The following SLA variants were observed in gnomAD, a reference collection of about 807,000 sequenced individuals.
The protein encoded by SLA is Src like adaptor.
SLA carries 16 observed loss-of-function variants against 30.3 expected under a neutral mutation model. The ratio of observed to expected loss-of-function variants is 0.53; its 90% CI spans 0.36 to 0.80. The LOEUF is 0.80. Ranked by LOEUF, SLA falls within the 30% of genes least tolerant of loss-of-function variation. The probability of loss-of-function intolerance (pLI) is 0.01; values close to 1 mark genes in which losing one functional copy is unlikely to be tolerated. For synonymous variants in SLA, 143 were observed against 137.8 expected (o/e 1.04, Z -0.26); for missense variants, 310 against 345.2 (o/e 0.90, Z 0.81).
intron 1 of SLA, among the ~76,000 whole-genome samples, chr8:133,098,806 G>A (rs1436546621): frequency 1.3e-5 from 2 of 152,152 alleles, no homozygotes; most frequent in Non-Finnish European, 2.9e-5. Context: ...TGTTCAGAGG[G>A]TAGCCCAGGC....
chr8:133,060,505 TGA>T, intron 2 of SLA: 1 of 734,650 alleles, frequency 1.4e-6, no homozygotes, highest in Non-Finnish European at 2.1e-6. Context: ...AGGGTTTGTG[TGA>T]GAAACCAAGC....
intron 3 of SLA, among the ~76,000 whole-genome samples, chr8:133,055,361 GCGCGCACACACACACACACACACA>G (rs1841219967): frequency 3.8e-5 from 5 of 131,658 alleles, no homozygotes; most frequent in African/African-American, 1.3e-4. Context: ...ACACACGCAC[GCGCGCACACACACACACACACACA>G]CACACACACA....
chr8:133,038,751 G>T lies in SLA; in HGVS notation c.618-14C>A. The T allele has an allele frequency of 6.3e-7, 1 of 1,595,584 alleles. No homozygotes were observed. The highest frequency in any genetic ancestry group is 8.6e-7 in the Non-Finnish European group (1 of 1,163,718). On this transcript the variant is annotated splice_polypyrimidine_tract_variant and intron_variant, in intron 8 of 8. Coordinates refer to ENST00000338087, the MANE Select transcript of SLA (RefSeq NM_001045556.3). The stretch of plus-strand genomic sequence containing the variant: ...TCCTCCTGCAGTCTGTGGGCCAGAA[G>T]AAAAGGCAGTAGAGAAAGGGAAAAA...
chr8:133,049,192 GA>G (rs1290038879), intron 5 of SLA: 3 of 455,956 alleles, frequency 6.6e-6, no homozygotes, highest in Non-Finnish European at 1.3e-5. Flanking sequence ...GACTACAGGG[GA>G]AAGCAGGGTG....
chr8:133,038,431 C>A lies in SLA; in HGVS notation c.*93G>T. On this transcript the variant is annotated 3_prime_UTR_variant, in exon 9 of 9. Transcript: ENST00000338087. ...TTGGCTTCTAAAATACGTGAGGCTC[C>A]CAGGGATCAGGGAACCTCGCTTTTC... is the stretch of plus-strand genomic sequence containing the variant. The A allele has an allele frequency of 1.0e-6, 1 of 968,046 alleles. No homozygotes were observed. Among genetic ancestry groups the A allele is most frequent in the East Asian group, 2.4e-5 (1 of 42,006 alleles). The allele number at this position is 968,046 out of a possible 1,614,324, so 60.0% of individuals were successfully genotyped here.
chr8:133,090,351 T>A (rs1476543468), intron 1 of SLA, among the ~76,000 whole-genome samples: 1 of 152,168 alleles, frequency 6.6e-6, no homozygotes, highest in Non-Finnish European at 1.5e-5. Context: ...CAGCAGAGAA[T>A]TTCTCCCTGA....
intron 1 of SLA, among the ~76,000 whole-genome samples, chr8:133,087,215 A>G (rs1846730607): frequency 6.6e-6 from 1 of 151,572 alleles, no homozygotes; most frequent in Non-Finnish European, 1.5e-5. Context: ...TGTTTCGTTC[A>G]CTTGTTTTGT....
At chr8:133,095,425 C>T (rs1183807074) in intron 1 of SLA, among the ~76,000 whole-genome samples, 1 of 152,200 alleles carries the variant, frequency 6.6e-6, no homozygotes, top group Non-Finnish European at 1.5e-5. Context: ...ACAGATGCCT[C>T]TGCAATTTGT....
chr8:133,093,863 A>T (rs1293489892), intron 1 of SLA, among the ~76,000 whole-genome samples: 2 of 152,220 alleles, frequency 1.3e-5, no homozygotes, highest in Non-Finnish European at 2.9e-5. Flanking sequence ...AGTAAGAGCA[A>T]CCGACTTATA....
At chr8:133,049,626 C>T (rs1587882707) in intron 5 of SLA, 2 of 433,592 alleles carry the variant, frequency 4.6e-6, no homozygotes, top group Non-Finnish European at 8.6e-6. Context: ...CATAACATTT[C>T]CCAGCTGTTT....
At chr8:133,077,675 C>T (rs1445435952) in intron 1 of SLA, among the ~76,000 whole-genome samples, 1 of 152,090 alleles carries the variant, frequency 6.6e-6, no homozygotes, top group Non-Finnish European at 1.5e-5. Flanking sequence ...TCAGTAACCC[C>T]AAGCGGGGTC....
intron 3 of SLA, chr8:133,058,956 G>A (rs1158292306): frequency 2.1e-6 from 1 of 480,518 alleles, no homozygotes; most frequent in Admixed American, 2.2e-5. Context: ...TGCTGGCTTG[G>A]GGGCATTGGA....
Position 133,037,143 on chromosome 8 carries a change from G to A in SLA, c.*1381C>T, listed in dbSNP as rs1392477797. ...GAGCAGACAGACAGGGAGAGATACT[G>A]CAAGCATGTTCCCCTCCTTCCCCAG... On this transcript the variant is annotated 3_prime_UTR_variant, in exon 9 of 9. Transcript: ENST00000338087. 6.6e-6 allele frequency: 1 copy of A among 152,206 alleles called. No homozygotes were observed. Among genetic ancestry groups the A allele is most frequent in the Admixed American group, 6.5e-5 (1 of 15,286 alleles). The allele number at this position is 152,206 out of a possible 1,614,324, so 9.4% of individuals were successfully genotyped here.
At chr8:133,065,693 C>A (rs576801122) in intron 2 of SLA, among the ~76,000 whole-genome samples, 2 of 151,788 alleles carry the variant, frequency 1.3e-5, no homozygotes, top group Non-Finnish European at 2.9e-5. Context: ...ACCCAGTGGG[C>A]GGAGGTGGCA....
At chr8:133,053,310 G>C (rs1428003573) in intron 3 of SLA, among the ~76,000 whole-genome samples, 2 of 152,206 alleles carry the variant, frequency 1.3e-5, no homozygotes, top group Non-Finnish European at 2.9e-5. Context: ...ACCCCCGGCT[G>C]TGAGTTCCGG....
intron 1 of SLA, among the ~76,000 whole-genome samples, chr8:133,101,181 G>A (rs577867254): frequency 6.6e-6 from 1 of 152,122 alleles, no homozygotes; most frequent in Non-Finnish European, 1.5e-5. Flanking sequence ...CCATACGCAA[G>A]CATCACCTAG....
intron 2 of SLA, among the ~76,000 whole-genome samples, chr8:133,069,496 C>T (rs192174031): frequency 3.4e-4 from 51 of 149,680 alleles, no homozygotes; most frequent in African/African-American, 1.2e-3. Context: ...TAATGTGCTC[C>T]TCCTTAGCTC....
intron 1 of SLA, among the ~76,000 whole-genome samples, chr8:133,082,317 C>T (rs1419335165): frequency 1.3e-5 from 2 of 152,100 alleles, no homozygotes; most frequent in Non-Finnish European, 2.9e-5. Flanking sequence ...CTTTGCATGA[C>T]TGGGGCAACT....
intron 1 of SLA, among the ~76,000 whole-genome samples, chr8:133,092,239 G>C (rs1847672107): frequency 6.6e-6 from 1 of 152,188 alleles, no homozygotes; most frequent in African/African-American, 2.4e-5. Flanking sequence ...GCCAGGCGCA[G>C]GCCCTGACTC....
Sources: allele counts gnomAD v4.1 joint callset (sites outside exome capture counted in the v4.1 genomes callset), GRCh38; gene constraint gnomAD v4.1.1; transcripts MANE v1.5; gene names NCBI Gene and HGNC (gene_info 2026-07-23, HGNC 2026-07-21).